MINDY2: variants seen among roughly 807,000 people sequenced by gnomAD.
MINDY2 encodes ubiquitin carboxyl-terminal hydrolase MINDY-2.
A neutral mutation model predicts 68.2 loss-of-function variants in MINDY2; 52 were observed. The observed-to-expected ratio is 0.76, with a 90% CI of 0.61 to 0.96. The LOEUF (loss-of-function observed/expected upper bound fraction) is 0.96. Among genes scored for constraint, MINDY2 ranks in the 40% least tolerant of loss-of-function variants. The pLI is 0.00. For missense variants in MINDY2, 881 were observed against 773.4 expected, an observed-to-expected ratio of 1.14 and a Z score of -1.65; for synonymous variants, 372 against 303.0, an observed-to-expected ratio of 1.23 and a Z score of -2.36.
chr15:58,799,809 C>T (rs922488849), intron 2 of MINDY2, among the ~76,000 whole-genome samples: 22 of 151,854 alleles, frequency 1.4e-4, no homozygotes, highest in African/African-American at 5.1e-4. Context: ...AAACACGATA[C>T]CTAGGAAGTG....
In MINDY2 at chr15:58,853,689, G is replaced by A. The variant is rs954960150; in HGVS notation, c.1738-793G>A. Among the ~76,000 whole-genome samples the A allele has an allele frequency of 4.6e-5, 7 of 151,472 alleles. No individual in the cohort carries two copies. In the South Asian group the frequency reaches 1.3e-3, roughly 27 times the overall value. Reference sequence around the variant, plus strand: ...TAAAAAATTAGCTGGGTGTGGTGGCGTGCACCTGTAGTCCCAGCTACTCGG... The same window carrying A: ...TAAAAAATTAGCTGGGTGTGGTGGCATGCACCTGTAGTCCCAGCTACTCGG... On this transcript the variant is annotated intron_variant, in intron 8 of 8. Coordinates refer to ENST00000559228, the MANE Select transcript of MINDY2 (RefSeq NM_001040450.3).
At chr15:58,817,330 C>CA (rs1246871849) in intron 4 of MINDY2, among the ~76,000 whole-genome samples, 2 of 152,138 alleles carry the variant, frequency 1.3e-5, no homozygotes, top group Non-Finnish European at 2.9e-5. Context: ...AACAGATATC[C>CA]AAATGGCCAA....
intron 7 of MINDY2, 78 bp from the exon 8 acceptor site, chr15:58,851,693 A>G (rs2032819583): frequency 9.2e-7 from 1 of 1,084,300 alleles, no homozygotes; most frequent in East Asian, 2.7e-5. Context: ...AGCTTTATAG[A>G]TATAACGTTT....
chr15:58,811,557 A>G (rs1282165731), intron 4 of MINDY2, among the ~76,000 whole-genome samples: 1 of 152,254 alleles, frequency 6.6e-6, no homozygotes. Flanking sequence ...AATACTTAGC[A>G]GAACACAGCA....
At chr15:58,782,835 G>A (rs1326161142) in intron 1 of MINDY2, among the ~76,000 whole-genome samples, 1 of 150,876 alleles carries the variant, frequency 6.6e-6, no homozygotes, top group African/African-American at 2.4e-5. Context: ...CTGCTTCATA[G>A]GATTGCTGAG....
rs553596891 is a variant in MINDY2 at position 58,771,641 on chromosome 15, C to A, written c.246C>A (p.Ser82=). The stretch of plus-strand genomic sequence containing the variant: ...AGGTTCCCGGACCCTGCAGCTCCTC[C>A]GCGGGTTTGGACTTGAAGGACAGTG... The part of the protein sequence containing the change: ...SPEVPGPCSS[S]AGLDLKDSGL... Residue 82 remains serine, a synonymous_variant, in exon 1 of 9, where the codon TCC becomes TCA. Coordinates refer to ENST00000559228, the MANE Select transcript of MINDY2 (RefSeq NM_001040450.3). The A allele has an allele frequency of 1.6e-5, 25 of 1,612,492 alleles. No individual in the cohort carries two copies. The South Asian group carries it at 1.8e-4, about 11-fold the overall frequency.
intron 2 of MINDY2, among the ~76,000 whole-genome samples, chr15:58,794,190 A>G (rs1278540327): frequency 3.9e-5 from 6 of 152,116 alleles, no homozygotes; most frequent in African/African-American, 1.4e-4. Context: ...ATAGAATTTA[A>G]GCTGCGTAAA....
intron 2 of MINDY2, among the ~76,000 whole-genome samples, chr15:58,791,550 G>C (rs1308716935): frequency 6.6e-6 from 1 of 151,268 alleles, no homozygotes; most frequent in Admixed American, 6.6e-5. Context: ...CTGGGATCCA[G>C]AGGCTGCAGT....
At chr15:58,813,314 G>A (rs2030432758) in intron 4 of MINDY2, among the ~76,000 whole-genome samples, 1 of 152,108 alleles carries the variant, frequency 6.6e-6, no homozygotes, top group Non-Finnish European at 1.5e-5. Flanking sequence ...GGCCAACATG[G>A]CGAAACCCCA....
chr15:58,795,761 C>CGA (rs1555429386), intron 2 of MINDY2, among the ~76,000 whole-genome samples: 1 of 146,546 alleles, frequency 6.8e-6, no homozygotes, highest in East Asian at 2.3e-4. Flanking sequence ...ATTATAGTGT[C>CGA]TAAGTTTTTT....
rs1399745338 is a variant in MINDY2 at position 58,861,439 on chromosome 15, A to C, written c.*6829A>C. 1 of 152,096 alleles carries C rather than the reference A, an allele frequency of 6.6e-6. No individual in the cohort carries two copies. Among genetic ancestry groups the C allele is most frequent in the Non-Finnish European group, 1.5e-5 (1 of 68,022 alleles). 9.4% of individuals were successfully genotyped at this position (152,096 alleles called of 1,614,324 possible). On this transcript the variant is annotated 3_prime_UTR_variant, in exon 9 of 9. Transcript: ENST00000559228. ...TGAAATAATTCATCTGTTTTGCTTT[A>C]TGACCAGCTTTAATTTCAATTGAGG...
intron 6 of MINDY2, among the ~76,000 whole-genome samples, chr15:58,840,612 CCTCA>C (rs1304596528): frequency 2.0e-5 from 3 of 148,056 alleles, no homozygotes; most frequent in Admixed American, 6.8e-5. Context: ...TACACATTGA[CCTCA>C]CTATTTATTT....
At chr15:58,827,666 G>A (rs1362188945) in intron 5 of MINDY2, among the ~76,000 whole-genome samples, 3 of 151,970 alleles carry the variant, frequency 2.0e-5, no homozygotes, top group Admixed American at 6.6e-5. Flanking sequence ...GGGTTTCACC[G>A]TGGTCTCGAT....
intron 4 of MINDY2, among the ~76,000 whole-genome samples, chr15:58,820,501 C>G (rs1427552362): frequency 1.3e-5 from 2 of 151,936 alleles, no homozygotes; most frequent in African/African-American, 4.8e-5. Flanking sequence ...CCACAATTTC[C>G]TGCTGTGACT....
chr15:58,836,804 G>C (rs2032018719), intron 6 of MINDY2, among the ~76,000 whole-genome samples: 1 of 151,732 alleles, frequency 6.6e-6, no homozygotes, highest in Non-Finnish European at 1.5e-5. Context: ...TTTTTTTTTA[G>C]AGACAGGATA....
At chr15:58,842,674 C>T (rs1369597001) in intron 6 of MINDY2, among the ~76,000 whole-genome samples, 1 of 152,046 alleles carries the variant, frequency 6.6e-6, no homozygotes, top group Non-Finnish European at 1.5e-5. Context: ...AAATTGAGAT[C>T]GATTTAGATG....
rs749093639 is a variant in MINDY2, at chr15:58,831,899, A to T, written c.1351A>T (p.Thr451Ser). 1 of 1,612,620 alleles carries T rather than the reference A, an allele frequency of 6.2e-7. No homozygotes were observed. Among genetic ancestry groups the T allele is most frequent in the Non-Finnish European group, 8.5e-7 (1 of 1,179,552 alleles). Residue 451 changes from threonine (T) to serine (S), a missense_variant, in exon 6 of 9, where the codon ACC (threonine) becomes TCC (serine). Physicochemically the swap from Thr to Ser is moderately conservative, Grantham distance 58. Transcript: ENST00000559228. ...GTTCTTTCGGAATAATCATTTTAGCACCATGACCAAATACAAGGTATGATA... is the reference window on the plus strand; with the variant it reads ...GTTCTTTCGGAATAATCATTTTAGCTCCATGACCAAATACAAGGTATGATA... The part of the protein sequence containing the change: ...CVFFRNNHFS[T>S]MTKYKGQLYL...
chr15:58,791,218 T>TATATATATATATATATATAC (rs1439582515), intron 2 of MINDY2, among the ~76,000 whole-genome samples: 195 of 16,252 alleles, frequency 0.012, 6 homozygotes, highest in African/African-American at 0.016. Flanking sequence ...AGCAATTTTA[T>TATATATATATATATATATAC]ATATATATAT....
chr15:58,776,192 T>A (rs1207398492), intron 1 of MINDY2, among the ~76,000 whole-genome samples: 4 of 152,152 alleles, frequency 2.6e-5, no homozygotes, highest in Non-Finnish European at 5.9e-5. Context: ...AGAGTAAATA[T>A]GAGACTAAAT....
Sources: gnomAD v4.1 joint callset for allele counts (sites outside exome capture counted in the v4.1 genomes callset) on GRCh38, gnomAD v4.1.1 for gene constraint, MANE v1.5 for transcripts, NCBI Gene and HGNC (gene_info 2026-07-23, HGNC 2026-07-21) for gene names.